The following ATRNL1 variants were observed in gnomAD, a reference collection of about 807,000 sequenced individuals.
The protein encoded by ATRNL1 is attractin-like protein 1.
ATRNL1 carries 95 observed loss-of-function variants against 182.7 expected under a neutral mutation model. That is an observed-to-expected ratio of 0.52 (90% CI 0.44 to 0.62). The LOEUF (loss-of-function observed/expected upper bound fraction) is 0.62. Ranked by LOEUF, ATRNL1 falls within the 20% of genes least tolerant of loss-of-function variation. The pLI, the probability that ATRNL1 is intolerant of heterozygous loss-of-function variation, is 0.00. For missense variants in ATRNL1, 1,471 were observed against 1,679.5 expected, an observed-to-expected ratio of 0.88 and a Z score of 2.17; for synonymous variants, 576 against 568.3, an observed-to-expected ratio of 1.01 and a Z score of -0.19.
chr10:115,905,497 T>C (rs1952477506), intron 28 of ATRNL1, among the ~76,000 whole-genome samples: 2 of 152,088 alleles, frequency 1.3e-5, no homozygotes, highest in Non-Finnish European at 2.9e-5. Flanking sequence ...CCCAAAGTAC[T>C]GGGACTACAG....
intron 27 of ATRNL1, among the ~76,000 whole-genome samples, chr10:115,824,019 T>C (rs187240585): frequency 2.0e-5 from 3 of 152,288 alleles, no homozygotes; most frequent in African/African-American, 7.2e-5. Context: ...ACTACCTGAC[T>C]TCAAACTATA....
chr10:115,320,998 C>T (rs1055721780), intron 18 of ATRNL1, among the ~76,000 whole-genome samples: 8 of 152,072 alleles, frequency 5.3e-5, no homozygotes, highest in Admixed American at 2.0e-4. Context: ...TTGATTCTTT[C>T]TCATCTTCTT....
At chr10:115,607,400 A>C (rs542662770) in intron 26 of ATRNL1, among the ~76,000 whole-genome samples, 1 of 151,968 alleles carries the variant, frequency 6.6e-6, no homozygotes, top group Admixed American at 6.6e-5. Flanking sequence ...AAAAAATGAT[A>C]ATCATTATAT....
At chr10:115,127,053 AAAGT>A (rs1845005318) in intron 3 of ATRNL1, among the ~76,000 whole-genome samples, 1 of 152,216 alleles carries the variant, frequency 6.6e-6, no homozygotes, top group African/African-American at 2.4e-5. Flanking sequence ...GAAAAACATT[AAAGT>A]CTATATAGTT....
rs2084925664 is a variant in ATRNL1, at chr10:115,093,417, T to TCCC, written c.-334_-333insCCC. The TCCC allele has an allele frequency of 3.4e-5, 10 of 296,906 alleles. No homozygotes were observed. Among genetic ancestry groups the TCCC allele is most frequent in the East Asian group, 3.0e-4 (3 of 10,050 alleles). 18.4% of individuals were successfully genotyped at this position (296,906 alleles called of 1,614,324 possible). On this transcript the variant is annotated 5_prime_UTR_variant, in exon 1 of 29. Transcript: ENST00000355044. This position sits in a 1 kb window ranked among gnomAD's most constrained non-coding sequence, Gnocchi z 6.1. The stretch of plus-strand genomic sequence containing the variant: ...GGCCGCGCGCGGGGTCCCCTCCTCC[T>TCCC]GCCGGTCAGGTCCCCTCAGGAGCGC...
chr10:115,915,854 T>C (rs1237390775), intron 28 of ATRNL1, among the ~76,000 whole-genome samples: 3 of 152,200 alleles, frequency 2.0e-5, no homozygotes, highest in Non-Finnish European at 4.4e-5. Flanking sequence ...AGCAAATTGC[T>C]GGTGACCCTG....
chr10:115,301,226 T>C (rs1453379499), intron 16 of ATRNL1, among the ~76,000 whole-genome samples: 5 of 152,222 alleles, frequency 3.3e-5, no homozygotes, highest in Non-Finnish European at 7.3e-5. Flanking sequence ...ACTGTTCAGC[T>C]TCTTGCTTTC....
rs1849211947 is a variant in ATRNL1 at position 115,215,872 on chromosome 10, T to G, written c.1524T>G (p.Thr508=). ...VDDLYKYEVN[T]KTWTILKESG... The stretch of plus-strand genomic sequence containing the variant: ...ATCTTTATAAATATGAAGTTAACAC[T>G]AAGACTTGGTGAGTACACAAAATAA... The change falls in exon 9 of 29, where the codon ACT becomes ACG. Residue 508 remains threonine (T), a synonymous_variant. Coordinates refer to ENST00000355044, the MANE Select transcript of ATRNL1 (RefSeq NM_207303.4). 6.4e-7 allele frequency: 1 copy of G among 1,560,500 alleles called. No individual in the cohort carries two copies.
chr10:115,536,582 G>A lies in ATRNL1; in HGVS notation c.3717-12876G>A, dbSNP rs975136478. 7.2e-5 allele frequency among the ~76,000 whole-genome samples: 11 copies of A among 152,288 alleles called. No individual in the cohort carries two copies. The South Asian group carries it at 1.5e-3, about 20-fold the overall frequency. ...TGCTTCCCAAGTGAGGCAATGCCTC[G>A]CCCTGCTTCGGCTCTCGCACGGTGC... On this transcript the variant is annotated intron_variant, in intron 25 of 28. Transcript: ENST00000355044.
rs375930911 is a variant in ATRNL1 at position 115,617,705 on chromosome 10, C to A, written c.3795+68169C>A. Among the ~76,000 whole-genome samples the A allele has an allele frequency of 3.3e-5, 5 of 152,202 alleles. No homozygotes were observed. In the East Asian group the frequency reaches 5.8e-4, roughly 18 times the overall value. On this transcript the variant is annotated intron_variant, in intron 26 of 28. Coordinates refer to ENST00000355044, the MANE Select transcript of ATRNL1 (RefSeq NM_207303.4). ...CACACTCATAGGCATAAGGGACTAG[C>A]CTTGTCTCAGATGAGACTGGACTGT...
chr10:115,704,370 C>T (rs1311334141), intron 26 of ATRNL1, among the ~76,000 whole-genome samples: 2 of 151,886 alleles, frequency 1.3e-5, no homozygotes, highest in African/African-American at 4.8e-5. Context: ...AGGGGGCCCA[C>T]CCCATTTTAT....
chr10:115,703,319 A>G (rs550518357), intron 26 of ATRNL1, among the ~76,000 whole-genome samples: 26 of 152,044 alleles, frequency 1.7e-4, no homozygotes, highest in Non-Finnish European at 2.8e-4. Flanking sequence ...AGAAGACAAC[A>G]TAGGAAACAC....
At chr10:115,613,139 ATT>A (rs1857251881) in intron 26 of ATRNL1, among the ~76,000 whole-genome samples, 1 of 152,196 alleles carries the variant, frequency 6.6e-6, no homozygotes, top group Non-Finnish European at 1.5e-5. Context: ...GGTAAGTTCC[ATT>A]TTGTTAGTTC....
At position 115,301,888 on chromosome 10, in the gene ATRNL1, A is replaced by C. The variant is rs1487042206; in HGVS notation, c.2663A>C (p.Lys888Thr). Residue 888 changes from lysine to threonine, a missense_variant, in exon 17 of 29, where the codon AAG (lysine) becomes ACG (threonine). By Grantham distance (78) the Lys-to-Thr change is moderately conservative (BLOSUM62 -1). Transcript: ENST00000355044. ...SPNQNARPCK[K>T]PCSLRTSCSN... ...AATCAAAATGCGAGGCCGTGCAAAA[A>C]GCCATGCTCTCTGAGGACATCATGT... 1 of 1,609,180 alleles carries C rather than the reference A, an allele frequency of 6.2e-7. No homozygotes were observed. The highest frequency in any genetic ancestry group is 8.5e-7 in the Non-Finnish European group (1 of 1,178,278).
chr10:115,842,916 A>G lies in ATRNL1; in HGVS notation c.3904-4961A>G, dbSNP rs140753142. 3.0e-3 allele frequency among the ~76,000 whole-genome samples: 461 copies of G among 152,212 alleles called. 1 individual carries two copies. Among genetic ancestry groups the G allele is most frequent in the African/African-American group, 0.01 (417 of 41,552 alleles). The stretch of plus-strand genomic sequence containing the variant: ...AATAGGACTGCTGTTTAGGTTACAT[A>G]CAATAATGCATGTAAAAAGCTTAGC... On this transcript the variant is annotated intron_variant, in intron 27 of 28. Transcript: ENST00000355044.
chr10:115,646,677 T>C (rs1470092075), intron 26 of ATRNL1, among the ~76,000 whole-genome samples: 1 of 151,652 alleles, frequency 6.6e-6, no homozygotes, highest in Non-Finnish European at 1.5e-5. Flanking sequence ...TTAAAAGCCC[T>C]CCCATACTTT....
chr10:115,618,275 A>T (rs992127327), intron 26 of ATRNL1, among the ~76,000 whole-genome samples: 1 of 152,142 alleles, frequency 6.6e-6, no homozygotes, highest in Non-Finnish European at 1.5e-5. Context: ...TTGATATTTT[A>T]AATATAATAT....
At chr10:115,134,369 C>A (rs1554876075) in intron 5 of ATRNL1, among the ~76,000 whole-genome samples, 1 of 152,014 alleles carries the variant, frequency 6.6e-6, no homozygotes, top group Non-Finnish European at 1.5e-5. Context: ...CCACAGATCC[C>A]ACAGAGATAC....
chr10:115,645,376 G>T (rs1859538047), intron 26 of ATRNL1, among the ~76,000 whole-genome samples: 2 of 147,504 alleles, frequency 1.4e-5, no homozygotes, highest in Admixed American at 6.8e-5. Flanking sequence ...TTTCTTCCTT[G>T]TTCCTCCTCT....
Sources: gnomAD v4.1 joint callset for allele counts (sites outside exome capture counted in the v4.1 genomes callset) on GRCh38, gnomAD v4.1.1 for gene constraint, Gnocchi (gnomAD v3.1) non-coding constraint, MANE v1.5 for transcripts, NCBI Gene and HGNC (gene_info 2026-07-23, HGNC 2026-07-21) for gene names.